Variants in CELF4 observed in about 807,000 individuals in gnomAD.
CELF4 encodes the protein CUG-BP- and ETR-3-like factor 4.
A neutral mutation model predicts 59.9 loss-of-function variants in CELF4; 18 were observed. That is an observed-to-expected ratio of 0.30 (90% CI 0.21 to 0.45). The LOEUF (loss-of-function observed/expected upper bound fraction) is 0.45, where lower values mean the gene tolerates loss of function less well. Among genes scored for constraint, CELF4 ranks in the 20% least tolerant of loss-of-function variants. CELF4 has a pLI of 1.00. For missense variants in CELF4, 456 were observed against 689.0 expected (o/e 0.66, Z 3.79); for synonymous variants, 261 against 267.1 (o/e 0.98, Z 0.22).
chr18:37,472,096 G>A (rs2099834721), intron 2 of CELF4, among the ~76,000 whole-genome samples: 1 of 152,254 alleles, frequency 6.6e-6, no homozygotes, highest in Non-Finnish European at 1.5e-5. Context: ...ACAGGGAGTG[G>A]AGAAGGAGGT....
chr18:37,548,604 A>G (rs1029291958), intron 1 of CELF4, among the ~76,000 whole-genome samples: 1 of 152,178 alleles, frequency 6.6e-6, no homozygotes, highest in East Asian at 1.9e-4. Flanking sequence ...GGGTGCTGAT[A>G]GGGGTGCTGG....
chr18:37,328,588 G>A (rs1387856728), intron 2 of CELF4, among the ~76,000 whole-genome samples: 1 of 152,180 alleles, frequency 6.6e-6, no homozygotes, highest in African/African-American at 2.4e-5. Flanking sequence ...GCCTTCACCA[G>A]GAAGGCAGCT....
At chr18:37,293,103 T>C (rs2095440597) in intron 3 of CELF4, among the ~76,000 whole-genome samples, 6 of 152,224 alleles carry the variant, frequency 3.9e-5, no homozygotes, top group Admixed American at 3.9e-4. Context: ...CCCACTGGGC[T>C]TGTGGAAACC....
chr18:37,398,444 C>T (rs997591898), intron 2 of CELF4, among the ~76,000 whole-genome samples: 6 of 152,282 alleles, frequency 3.9e-5, no homozygotes, highest in African/African-American at 4.8e-5. Context: ...GGTTCTGGCA[C>T]GTGAGGGACC....
chr18:37,514,087 C>T (rs1200132613), intron 1 of CELF4, among the ~76,000 whole-genome samples: 1 of 152,080 alleles, frequency 6.6e-6, no homozygotes, highest in Admixed American at 6.6e-5. Context: ...TGTGGAGACA[C>T]AGATCTCTCT....
intron 1 of CELF4, among the ~76,000 whole-genome samples, chr18:37,504,332 A>G (rs1453877338): frequency 6.6e-6 from 1 of 152,046 alleles, no homozygotes; most frequent in African/African-American, 2.4e-5. Context: ...CTCTACTAAA[A>G]ATACAAAATT....
At chr18:37,301,915 C>T (rs989208750) in intron 3 of CELF4, among the ~76,000 whole-genome samples, 2 of 152,190 alleles carry the variant, frequency 1.3e-5, no homozygotes, top group Non-Finnish European at 2.9e-5. Context: ...TGCCACCCAC[C>T]TTTCCCCTTC....
intron 2 of CELF4, among the ~76,000 whole-genome samples, chr18:37,384,943 A>G (rs1207979882): frequency 6.6e-6 from 1 of 152,122 alleles, no homozygotes; most frequent in Non-Finnish European, 1.5e-5. Flanking sequence ...ACGGAACCAT[A>G]CGTCTCTGAT....
chr18:37,461,492 T>A (rs536016273), intron 2 of CELF4, among the ~76,000 whole-genome samples: 6 of 152,166 alleles, frequency 3.9e-5, no homozygotes, highest in Non-Finnish European at 5.9e-5. Flanking sequence ...AAGAACAGCA[T>A]GAGGGGAACC....
At chr18:37,516,706 C>T (rs925002516) in intron 1 of CELF4, among the ~76,000 whole-genome samples, 11 of 152,188 alleles carry the variant, frequency 7.2e-5, no homozygotes, top group African/African-American at 2.2e-4. Context: ...CAATTCAGAA[C>T]CCAGGCAGGT....
At chr18:37,251,820 T>C (rs1182910037) in intron 12 of CELF4, among the ~76,000 whole-genome samples, 2 of 152,166 alleles carry the variant, frequency 1.3e-5, no homozygotes, top group East Asian at 1.9e-4. Flanking sequence ...TCATTCATCC[T>C]TGCATCCCCC....
intron 2 of CELF4, among the ~76,000 whole-genome samples, chr18:37,422,393 T>C (rs2099583689): frequency 6.6e-6 from 1 of 152,134 alleles, no homozygotes; most frequent in Non-Finnish European, 1.5e-5. Flanking sequence ...AAGGAGGAGC[T>C]GATTGGCTCC....
chr18:37,256,385 T>C (rs1569016681), intron 11 of CELF4, among the ~76,000 whole-genome samples: 1 of 152,168 alleles, frequency 6.6e-6, no homozygotes, highest in Non-Finnish European at 1.5e-5. Context: ...GCCACTTTTA[T>C]AGCAAAAATA....
chr18:37,561,008 ATTC>A (rs2099986357), intron 1 of CELF4, among the ~76,000 whole-genome samples: 2 of 152,306 alleles, frequency 1.3e-5, no homozygotes, highest in South Asian at 4.1e-4. Context: ...GGCATTTCCT[ATTC>A]AGGTATAGTT....
intron 2 of CELF4, among the ~76,000 whole-genome samples, chr18:37,427,576 C>G (rs913794384): frequency 6.6e-6 from 1 of 152,180 alleles, no homozygotes; most frequent in Non-Finnish European, 1.5e-5. Context: ...GGCTCCCCAG[C>G]CCTGACCCCC....
At chr18:37,249,088 C>T (rs2063832096) in intron 12 of CELF4, among the ~76,000 whole-genome samples, 1 of 152,198 alleles carries the variant, frequency 6.6e-6, no homozygotes, top group Non-Finnish European at 1.5e-5. Flanking sequence ...CTGCAGACCC[C>T]AGCCTGCCTG....
chr18:37,451,543 A>G (rs759758961), intron 2 of CELF4, among the ~76,000 whole-genome samples: 7 of 151,812 alleles, frequency 4.6e-5, no homozygotes, highest in African/African-American at 1.2e-4. Flanking sequence ...GTGTGTATGT[A>G]TGTGTGTGTG....
chr18:37,276,956 C>A (rs1054810694), intron 3 of CELF4, among the ~76,000 whole-genome samples: 2 of 152,216 alleles, frequency 1.3e-5, no homozygotes, highest in African/African-American at 4.8e-5. Flanking sequence ...GACCCTGTGT[C>A]CTTCTGTATT....
At chr18:37,373,322 C>T (rs1355934350) in intron 2 of CELF4, among the ~76,000 whole-genome samples, 1 of 152,194 alleles carries the variant, frequency 6.6e-6, no homozygotes, top group Non-Finnish European at 1.5e-5. Context: ...CAGAGCCCTG[C>T]CCTTCTGATT....
Sources: gnomAD v4.1 joint callset for allele counts (sites outside exome capture counted in the v4.1 genomes callset) on GRCh38, gnomAD v4.1.1 for gene constraint, MANE v1.5 for transcripts, NCBI Gene and HGNC (gene_info 2026-07-23, HGNC 2026-07-21) for gene names.